The following DOCK2 variants were observed in gnomAD, a reference collection of about 807,000 sequenced individuals.
DOCK2 encodes dedicator of cytokinesis 2.
Under a neutral mutation model 248.9 loss-of-function variants are expected in DOCK2, and 87 were observed. The observed-to-expected ratio is 0.35, with a 90% CI of 0.29 to 0.42. The LOEUF is 0.42. Ranked by LOEUF, DOCK2 falls within the 10% of genes least tolerant of loss-of-function variation. DOCK2 has a pLI of 1.00. For missense variants in DOCK2, 1,747 were observed against 2,300.2 expected (o/e 0.76, Z 4.92); for synonymous variants, 805 against 821.6 (o/e 0.98, Z 0.35).
At chr5:169,759,610 C>A in intron 23 of DOCK2, 95 bp from the exon 24 acceptor site, 1 of 1,337,042 alleles carries the variant, frequency 7.5e-7, no homozygotes. Flanking sequence ...CAGAATCATT[C>A]TCCTCTGATC....
intron 44 of DOCK2, among the ~76,000 whole-genome samples, chr5:170,060,279 T>C (rs1757284064): frequency 6.6e-6 from 1 of 152,210 alleles, no homozygotes; most frequent in Non-Finnish European, 1.5e-5. Context: ...TGTATATCTC[T>C]GGGTCTTAGT....
chr5:169,938,172 T>C (rs1776076298), intron 27 of DOCK2, among the ~76,000 whole-genome samples: 1 of 152,164 alleles, frequency 6.6e-6, no homozygotes, highest in Non-Finnish European at 1.5e-5. Context: ...TCAAGAAAAG[T>C]TTACAGCTAC....
chr5:170,025,610 A>G (rs1755874980), intron 33 of DOCK2, among the ~76,000 whole-genome samples: 1 of 152,180 alleles, frequency 6.6e-6, no homozygotes, highest in Admixed American at 6.5e-5. Context: ...CAGAGAAGAC[A>G]TCTCTAAGCA....
chr5:169,656,295 C>T (rs1263735265), intron 2 of DOCK2, among the ~76,000 whole-genome samples: 3 of 151,690 alleles, frequency 2.0e-5, no homozygotes, highest in East Asian at 3.9e-4. Context: ...TGAAATGACT[C>T]ATCTAAGGTT....
rs532526822 is a variant in DOCK2 at position 170,051,324 on chromosome 5, C to T, written c.4213+927C>T. ...GCCTGTCCAACGTCAGCCCCACCCCCATCCTTCCTTCCCTTTCTCACATCC... is the reference window on the plus strand; with the variant it reads ...GCCTGTCCAACGTCAGCCCCACCCCTATCCTTCCTTCCCTTTCTCACATCC... On this transcript the variant is annotated intron_variant, in intron 41 of 51. Transcript: ENST00000520908. 2.0e-5 allele frequency among the ~76,000 whole-genome samples: 3 copies of T among 152,336 alleles called. No individual in the cohort carries two copies. In the East Asian group the frequency reaches 5.8e-4, roughly 29 times the overall value.
At chr5:169,757,132 G>C (rs1247553895) in intron 23 of DOCK2, among the ~76,000 whole-genome samples, 12 of 152,080 alleles carry the variant, frequency 7.9e-5, no homozygotes, top group Non-Finnish European at 1.6e-4. Context: ...TCTTTAGGGA[G>C]AGAATGGAAT....
chr5:169,998,121 A>G (rs1754711436), intron 30 of DOCK2: 1 of 449,484 alleles, frequency 2.2e-6, no homozygotes. Context: ...CTCCACAGTC[A>G]TTATGCAAAA....
intron 27 of DOCK2, among the ~76,000 whole-genome samples, chr5:169,852,636 A>G (rs113725457): frequency 4.6e-5 from 7 of 152,230 alleles, no homozygotes; most frequent in Non-Finnish European, 1.0e-4. Context: ...ACATGTTTGA[A>G]GCTCACTTCA....
intron 2 of DOCK2, among the ~76,000 whole-genome samples, chr5:169,655,644 G>T (rs1735948233): frequency 6.6e-6 from 1 of 152,140 alleles, no homozygotes; most frequent in Admixed American, 6.5e-5. Flanking sequence ...GCCCCTAGCT[G>T]GGTCTGCAGA....
chr5:169,720,053 G>A (rs766899626), intron 22 of DOCK2, among the ~76,000 whole-genome samples: 22 of 152,306 alleles, frequency 1.4e-4, no homozygotes, highest in Admixed American at 2.6e-4. Context: ...GAGATTTCAG[G>A]TTATGAATAG....
rs749522969 is a variant in DOCK2 at position 170,080,204 on chromosome 5, G to A, written c.5208G>A (p.Ser1736=). The A allele has an allele frequency of 1.2e-5, 20 of 1,613,922 alleles. No individual in the cohort carries two copies. The highest frequency in any genetic ancestry group is 8.0e-5 in the African/African-American group (6 of 74,860). The change falls in exon 50 of 52, where the codon TCG becomes TCA. Residue 1736 remains serine, a synonymous_variant. Coordinates refer to ENST00000520908, the MANE Select transcript of DOCK2 (RefSeq NM_004946.3). ...KHEFMSDTNL[S]EHAAIPLKAS... The stretch of plus-strand genomic sequence containing the variant: ...AGTTCATGAGTGACACCAACCTCTC[G>A]GAGCATGCGGCCATCCCCCTCAAGG...
intron 11 of DOCK2, 50 bp downstream of exon 11, chr5:169,698,499 A>T: frequency 5.0e-6 from 8 of 1,598,826 alleles, no homozygotes; most frequent in Non-Finnish European, 6.9e-6. Context: ...ACCCTTTGTC[A>T]TCAAGGGCTG....
intron 14 of DOCK2, among the ~76,000 whole-genome samples, chr5:169,704,767 G>GTC (rs1761160781): frequency 5.6e-5 from 2 of 35,612 alleles, no homozygotes; most frequent in African/African-American, 1.6e-4. Flanking sequence ...ATATGTGTGT[G>GTC]TGTGTGTGTG....
At chr5:169,872,137 C>T (rs1172847585) in intron 27 of DOCK2, among the ~76,000 whole-genome samples, 3 of 152,196 alleles carry the variant, frequency 2.0e-5, no homozygotes, top group Non-Finnish European at 4.4e-5. Flanking sequence ...AATTCCCCTC[C>T]ACTTCTTCTT....
intron 25 of DOCK2, among the ~76,000 whole-genome samples, chr5:169,770,734 A>G (rs1024902495): frequency 3.3e-5 from 5 of 151,876 alleles, no homozygotes; most frequent in Non-Finnish European, 7.4e-5. Flanking sequence ...GAAGGAATTT[A>G]TTTTTTTTAC....
intron 27 of DOCK2, among the ~76,000 whole-genome samples, chr5:169,909,821 G>A (rs1774495101): frequency 1.3e-5 from 2 of 152,138 alleles, no homozygotes; most frequent in Non-Finnish European, 1.5e-5. Context: ...TTCTAGAATG[G>A]TCTGAGTAGA....
At chr5:169,956,823 A>G (rs537482004) in intron 27 of DOCK2, among the ~76,000 whole-genome samples, 1 of 152,306 alleles carries the variant, frequency 6.6e-6, no homozygotes, top group South Asian at 2.1e-4. Context: ...ATTCATTTTC[A>G]AGGTTCCTTT....
At chr5:170,024,399 GTCACCCAAGGTCCTACGTTGCC>G (rs1755835289) in intron 33 of DOCK2, among the ~76,000 whole-genome samples, 1 of 117,972 alleles carries the variant, frequency 8.5e-6, no homozygotes, top group African/African-American at 3.5e-5. Context: ...CTTACACTCT[GTCACCCAAGGTCCTACGTTGCC>G]TCAGCCTCCT....
chr5:169,974,724 G>C (rs1379055553), intron 27 of DOCK2, among the ~76,000 whole-genome samples: 1 of 152,114 alleles, frequency 6.6e-6, no homozygotes, highest in Non-Finnish European at 1.5e-5. Context: ...TTCCTGCACA[G>C]CCCTTCCTGA....
Sources: gnomAD v4.1 joint callset for allele counts (sites outside exome capture counted in the v4.1 genomes callset) on GRCh38, gnomAD v4.1.1 for gene constraint, MANE v1.5 for transcripts, NCBI Gene and HGNC (gene_info 2026-07-23, HGNC 2026-07-21) for gene names.